Variants in TC2N observed in about 807,000 individuals in gnomAD.
TC2N encodes the protein tandem C2 domains nuclear protein.
TC2N carries 51 observed loss-of-function variants against 61.9 expected under a neutral mutation model. The observed-to-expected ratio is 0.82, with a 90% CI of 0.66 to 1.04. The LOEUF (loss-of-function observed/expected upper bound fraction) is 1.04, where lower values mean the gene tolerates loss of function less well. Among genes scored for constraint, TC2N ranks in the 50% least tolerant of loss-of-function variants. TC2N has a pLI of 0.00. For synonymous variants in TC2N, 204 were observed against 192.6 expected, an observed-to-expected ratio of 1.06 and a Z score of -0.49; for missense variants, 556 against 566.7, an observed-to-expected ratio of 0.98 and a Z score of 0.19.
rs1184380448 is a variant in TC2N, at chr14:91,812,510, T to C, written c.103A>G (p.Asn35Asp). 1.9e-6 allele frequency: 3 copies of C among 1,596,186 alleles called. No individual in the cohort carries two copies. Among genetic ancestry groups the C allele is most frequent in the Non-Finnish European group, 2.6e-6 (3 of 1,168,200 alleles). ...ACAGAGATAGTAGCATTTTGACTAT[T>C]TGGGACTGCTGCTTTAAAATCTCTT... Reference protein sequence around the residue: ...VERDFKAAVPNSQNATISVPP... With the variant: ...VERDFKAAVPDSQNATISVPP... The change falls in exon 3 of 12, where the codon AAT becomes GAT. Residue 35 changes from asparagine to aspartate, a missense_variant. Physicochemically the swap from Asn to Asp is conservative, Grantham distance 23. Transcript: ENST00000435962.
chr14:91,865,390 TA>T (rs68047756), intron 1 of TC2N, among the ~76,000 whole-genome samples: 22,672 of 134,978 alleles, frequency 0.17, 1,652 homozygotes, highest in African/African-American at 0.2. Flanking sequence ...TTTTTTTTTT[TA>T]AAAAAACATC....
chr14:91,796,608 T>C (rs1885910561), intron 8 of TC2N, among the ~76,000 whole-genome samples: 1 of 152,028 alleles, frequency 6.6e-6, no homozygotes, highest in Non-Finnish European at 1.5e-5. Flanking sequence ...GCCATGTGAA[T>C]ACACAGAACA....
chr14:91,792,245 G>T, intron 9 of TC2N, 122 bp downstream of exon 9: 1 of 472,782 alleles, frequency 2.1e-6, no homozygotes, highest in Non-Finnish European at 3.6e-6. Flanking sequence ...TAATATTATT[G>T]CTACTTGAGA....
rs769558695 is a variant in TC2N at position 91,802,262 on chromosome 14, TAC to T, written c.459_460del (p.Tyr154TrpfsTer5). 4.4e-5 allele frequency: 69 copies of T among 1,580,432 alleles called. No individual in the cohort carries two copies. The highest frequency in any genetic ancestry group is 5.8e-5 in the Non-Finnish European group (68 of 1,168,156). ...ACAAAAGATCTTCATACCCGATCCA[TAC>T]AGTCTCTTCACTTCTGAACGGGGAG... is the stretch of plus-strand genomic sequence containing the variant. On this transcript the variant is annotated frameshift_variant, in exon 4 of 12. Coordinates refer to ENST00000435962, the MANE Select transcript of TC2N (RefSeq NM_001128596.3). LOFTEE classifies it high-confidence loss of function.
chr14:91,822,796 G>A (rs1887316294), intron 1 of TC2N, among the ~76,000 whole-genome samples: 1 of 149,004 alleles, frequency 6.7e-6, no homozygotes, highest in Non-Finnish European at 1.5e-5. Context: ...CTCACTGTAA[G>A]CTCTGTCTTC....
rs564411245 is a variant in TC2N at position 91,835,837 on chromosome 14, A to G, written c.-56-22012T>C. Among the ~76,000 whole-genome samples, 376 of 152,360 alleles carry G rather than the reference A, an allele frequency of 2.5e-3. 1 individual carries two copies. Among genetic ancestry groups the G allele is most frequent in the Non-Finnish European group, 4.1e-3 (278 of 68,026 alleles). On this transcript the variant is annotated intron_variant, in intron 1 of 11. Coordinates refer to ENST00000435962, the MANE Select transcript of TC2N (RefSeq NM_001128596.3). ...AAAGGAAATTCGCTTCTCTTTCCCC[A>G]GAGCCCAGAAACCACCTGGACGCGC...
rs905502778 is a variant in TC2N at position 91,782,492 on chromosome 14, G to T, written c.*608C>A. Reference sequence around the variant, plus strand: ...TGCCAAAATGTAGTTTTCTATTTCTGAAGTTTTTTGGAGATAAGTAGCTTA... The same window carrying T: ...TGCCAAAATGTAGTTTTCTATTTCTTAAGTTTTTTGGAGATAAGTAGCTTA... On this transcript the variant is annotated 3_prime_UTR_variant, in exon 12 of 12. Transcript: ENST00000435962. The T allele has an allele frequency of 2.0e-5, 3 of 151,956 alleles. No individual in the cohort carries two copies. The highest frequency in any genetic ancestry group is 7.2e-5 in the African/African-American group (3 of 41,430). The allele number at this position is 151,956 out of a possible 1,614,324, so 9.4% of individuals were successfully genotyped here. A position where few individuals can be genotyped will look rare whatever the true frequency, so the allele number is the denominator to read the frequency against.
intron 8 of TC2N, among the ~76,000 whole-genome samples, chr14:91,793,661 C>T (rs1406470350): frequency 6.6e-6 from 1 of 152,116 alleles, no homozygotes. Context: ...ACGAACCACA[C>T]CTATATAAGA....
At chr14:91,845,942 C>G (rs943128562) in intron 1 of TC2N, among the ~76,000 whole-genome samples, 1 of 152,150 alleles carries the variant, frequency 6.6e-6, no homozygotes, top group Admixed American at 6.5e-5. Flanking sequence ...CTGATTTGCT[C>G]AGCTCATATT....
intron 3 of TC2N, among the ~76,000 whole-genome samples, chr14:91,805,821 A>C (rs1187280114): frequency 6.6e-6 from 1 of 152,080 alleles, no homozygotes; most frequent in Admixed American, 6.6e-5. Flanking sequence ...TTTCACATTC[A>C]CTCACTACTC....
chr14:91,815,918 A>G (rs756257141), intron 1 of TC2N, among the ~76,000 whole-genome samples: 6 of 151,726 alleles, frequency 4.0e-5, no homozygotes, highest in Non-Finnish European at 7.4e-5. Context: ...TGCTCTTTTT[A>G]AACATAACCA....
chr14:91,835,198 T>A (rs1887949335), intron 1 of TC2N, among the ~76,000 whole-genome samples: 1 of 152,242 alleles, frequency 6.6e-6, no homozygotes, highest in Admixed American at 6.5e-5. Context: ...CTTCCTCAGT[T>A]ATGAAGGTAA....
In TC2N at chr14:91,825,128, G is replaced by A. The variant is rs560286405; in HGVS notation, c.-56-11303C>T. On this transcript the variant is annotated intron_variant, in intron 1 of 11. Coordinates refer to ENST00000435962, the MANE Select transcript of TC2N (RefSeq NM_001128596.3). ...TTGGCTCACTGCAACCTCCGCCTCCGGATTCAAGCAATTCCCTGCCTCAGC... is the reference window on the plus strand; with the variant it reads ...TTGGCTCACTGCAACCTCCGCCTCCAGATTCAAGCAATTCCCTGCCTCAGC... Among the ~76,000 whole-genome samples the A allele has an allele frequency of 8.2e-5, 12 of 146,146 alleles. No homozygotes were observed. The South Asian group carries it at 2.0e-3, about 24-fold the overall frequency.
intron 1 of TC2N, among the ~76,000 whole-genome samples, chr14:91,849,469 G>A (rs1002339221): frequency 9.2e-5 from 14 of 152,182 alleles, no homozygotes; most frequent in African/African-American, 3.4e-4. Flanking sequence ...AAAGGCATTA[G>A]ATTTCTTGGT....
At chr14:91,783,604 T>C (rs1393321980) in intron 11 of TC2N, among the ~76,000 whole-genome samples, 1 of 152,084 alleles carries the variant, frequency 6.6e-6, no homozygotes, top group Non-Finnish European at 1.5e-5. Flanking sequence ...TCAAATTAGA[T>C]TGGTAAGGAA....
intron 1 of TC2N, among the ~76,000 whole-genome samples, chr14:91,817,846 A>T (rs1887073233): frequency 1.3e-5 from 2 of 152,122 alleles, no homozygotes; most frequent in African/African-American, 4.8e-5. Context: ...TGAAATGTGA[A>T]ATCTAATTAA....
chr14:91,785,133 T>C (rs1885297820), intron 11 of TC2N, 29 bp downstream of exon 11: 2 of 1,522,028 alleles, frequency 1.3e-6, no homozygotes, highest in African/African-American at 1.4e-5. Flanking sequence ...CATAGAAAAA[T>C]ATAAGGAAGG....
chr14:91,865,033 G>T (rs931690253), intron 1 of TC2N, among the ~76,000 whole-genome samples: 2 of 151,756 alleles, frequency 1.3e-5, no homozygotes, highest in Non-Finnish European at 2.9e-5. Flanking sequence ...GCCCACTTCG[G>T]CCTCCCAGAT....
chr14:91,783,029 T>G lies in TC2N; in HGVS notation c.*71A>C, dbSNP rs532603569. Reference sequence around the variant, plus strand: ...AATTTGTTGATTTGCCTCTTCTCATTGGTAGCAAATTGAAATCATAAGTCT... The same window carrying G: ...AATTTGTTGATTTGCCTCTTCTCATGGGTAGCAAATTGAAATCATAAGTCT... On this transcript the variant is annotated 3_prime_UTR_variant, in exon 12 of 12. Transcript: ENST00000435962. 6.1e-6 allele frequency: 6 copies of G among 977,764 alleles called. No homozygotes were observed. The highest frequency in any genetic ancestry group is 1.5e-5 in the South Asian group (1 of 68,936). 60.6% of individuals were successfully genotyped at this position (977,764 alleles called of 1,614,324 possible). A position where few individuals can be genotyped will look rare whatever the true frequency, so the allele number is the denominator to read the frequency against.
Sources: gnomAD v4.1 joint callset for allele counts (sites outside exome capture counted in the v4.1 genomes callset) on GRCh38, gnomAD v4.1.1 for gene constraint, MANE v1.5 for transcripts, NCBI Gene and HGNC (gene_info 2026-07-23, HGNC 2026-07-21) for gene names.